The following ASAH2 variants were observed in gnomAD, a reference collection of about 807,000 sequenced individuals.
ASAH2 encodes N-acylsphingosine amidohydrolase 2.
Under a neutral mutation model 82.9 loss-of-function variants are expected in ASAH2, and 58 were observed. The ratio of observed to expected loss-of-function variants is 0.70; its 90% CI spans 0.57 to 0.87. The LOEUF is 0.87. Among genes scored for constraint, ASAH2 ranks in the 40% least tolerant of loss-of-function variants. The pLI is 0.00. For synonymous variants in ASAH2, 276 were observed against 289.7 expected (o/e 0.95, Z 0.48); for missense variants, 779 against 834.0 (o/e 0.93, Z 0.81).
Position 50,202,905 on chromosome 10 carries a change from A to G in ASAH2, c.1685T>C (p.Met562Thr). The G allele has an allele frequency of 6.2e-7, 1 of 1,610,442 alleles. No homozygotes were observed. The highest frequency in any genetic ancestry group is 8.5e-7 in the Non-Finnish European group (1 of 1,177,040). The part of the protein sequence containing the change: ...AVQAEFASHG[M>T]QNMTVVISGL... Reference sequence around the variant, plus strand: ...TGAAATAACAACAGTCATGTTCTGCATCCCATGAGATGCAAATTCCTAGGA... The same window carrying G: ...TGAAATAACAACAGTCATGTTCTGCGTCCCATGAGATGCAAATTCCTAGGA... Residue 562 changes from methionine to threonine, a missense_variant, in exon 16 of 21, where the codon ATG (methionine) becomes ACG (threonine). Physicochemically the swap from Met to Thr is moderately conservative, Grantham distance 81 (BLOSUM62 -1). Coordinates refer to ENST00000682911, the MANE Select transcript of ASAH2 (RefSeq NM_019893.4).
intron 4 of ASAH2, among the ~76,000 whole-genome samples, chr10:50,242,630 A>ATATC (rs1846331679): frequency 1.3e-5 from 2 of 150,880 alleles, no homozygotes; most frequent in South Asian, 2.1e-4. Flanking sequence ...CTCGCTTTCT[A>ATATC]TCTCTCTCTC....
intron 16 of ASAH2, among the ~76,000 whole-genome samples, chr10:50,200,061 T>A (rs1395716775): frequency 4.0e-5 from 6 of 151,402 alleles, no homozygotes; most frequent in African/African-American, 1.5e-4. Context: ...AGTTTTTTGA[T>A]CCTCTCCCTC....
At position 50,248,600 on chromosome 10, in the gene ASAH2, C is replaced by A; in HGVS notation, c.11G>T (p.Arg4Leu). MAK[R>L]TFSNLETFLI... ...GAATGTCTCCAAGTTAGAGAAGGTG[C>A]GTTTGGCCATTTCTTCTCAGGTACA... Residue 4 changes from arginine to leucine, a missense_variant, in exon 2 of 21, where the codon CGC becomes CTC. Arg to Leu is a moderately radical substitution (Grantham distance 102). Around this residue, in one of 3 missense-constraint regions of ASAH2, gnomAD observed 759 missense variants for 755.2 expected, o/e 1.00. Coordinates refer to ENST00000682911, the MANE Select transcript of ASAH2 (RefSeq NM_019893.4). 6 of 1,613,256 alleles carry A rather than the reference C, an allele frequency of 3.7e-6. No homozygotes were observed. The highest frequency in any genetic ancestry group is 5.1e-6 in the Non-Finnish European group (6 of 1,179,488).
At chr10:50,235,738 A>C in intron 5 of ASAH2, 150 bp downstream of exon 5, 1 of 837,386 alleles carries the variant, frequency 1.2e-6, no homozygotes, top group Non-Finnish European at 2.0e-6. Context: ...ACAAGAAGCT[A>C]AGATAGAGTC....
At chr10:50,228,670 CT>C (rs1479483440) in intron 7 of ASAH2, among the ~76,000 whole-genome samples, 3 of 152,064 alleles carry the variant, frequency 2.0e-5, no homozygotes, top group Admixed American at 2.0e-4. Context: ...AAAAATATGC[CT>C]TTAAAGGGCT....
At chr10:50,250,741 C>T (rs1195976648) in intron 1 of ASAH2, among the ~76,000 whole-genome samples, 1 of 152,150 alleles carries the variant, frequency 6.6e-6, no homozygotes, top group Non-Finnish European at 1.5e-5. Context: ...GCCTGTGTAT[C>T]AAACAGAGAG....
chr10:50,224,580 C>T (rs1480275438), intron 7 of ASAH2, among the ~76,000 whole-genome samples: 1 of 152,156 alleles, frequency 6.6e-6, no homozygotes, highest in Non-Finnish European at 1.5e-5. Context: ...TTCCCAGTCT[C>T]ATTTGCAAGG....
chr10:50,214,327 G>T (rs1845541557), intron 9 of ASAH2, among the ~76,000 whole-genome samples: 1 of 152,044 alleles, frequency 6.6e-6, no homozygotes, highest in Non-Finnish European at 1.5e-5. Flanking sequence ...TTTTTTGCTT[G>T]TAATTTTTAA....
At chr10:50,203,984 T>C (rs1046002439) in intron 14 of ASAH2, among the ~76,000 whole-genome samples, 1 of 152,024 alleles carries the variant, frequency 6.6e-6, no homozygotes, top group Non-Finnish European at 1.5e-5. Flanking sequence ...TTGCAGTCTA[T>C]GTTTATAAAA....
chr10:50,200,134 G>C (rs1210136805), intron 16 of ASAH2, among the ~76,000 whole-genome samples: 1 of 151,534 alleles, frequency 6.6e-6, no homozygotes, highest in South Asian at 2.1e-4. Flanking sequence ...TTACACTATG[G>C]CTTCTTAATC....
At chr10:50,203,255 C>A (rs1417346871) in intron 15 of ASAH2, among the ~76,000 whole-genome samples, 1 of 152,014 alleles carries the variant, frequency 6.6e-6, no homozygotes, top group African/African-American at 2.4e-5. Context: ...ATTTTAGAAC[C>A]ATTTACAATA....
At chr10:50,242,284 C>A (rs1005186982) in intron 4 of ASAH2, among the ~76,000 whole-genome samples, 6 of 152,122 alleles carry the variant, frequency 3.9e-5, no homozygotes, top group African/African-American at 1.4e-4. Flanking sequence ...GGGAGGCTTC[C>A]GCTCTCCTCC....
intron 4 of ASAH2, 64 bp downstream of exon 4, chr10:50,243,138 C>G: frequency 6.4e-7 from 1 of 1,571,592 alleles, no homozygotes; most frequent in Non-Finnish European, 8.7e-7. Flanking sequence ...TTTCCTGTCA[C>G]ATTCACCCAC....
chr10:50,202,939 T>A lies in ASAH2; in HGVS notation c.1666-15A>T, dbSNP rs1316586196. ...GATGCAAATTCCTAGGAGAGAAAGG[T>A]AAAACCCAATAAAATTACTCTTCAT... is the stretch of plus-strand genomic sequence containing the variant. On this transcript the variant is annotated splice_polypyrimidine_tract_variant and intron_variant, in intron 15 of 20. Coordinates refer to ENST00000682911, the MANE Select transcript of ASAH2 (RefSeq NM_019893.4). 4 of 1,500,254 alleles carry A rather than the reference T, an allele frequency of 2.7e-6. No homozygotes were observed. Among genetic ancestry groups the A allele is most frequent in the Non-Finnish European group, 3.7e-6 (4 of 1,076,924 alleles). 92.9% of individuals were successfully genotyped at this position (1,500,254 alleles called of 1,614,324 possible).
At chr10:50,243,029 T>C (rs966128205) in intron 4 of ASAH2, among the ~76,000 whole-genome samples, 173 bp downstream of exon 4, 1 of 152,216 alleles carries the variant, frequency 6.6e-6, no homozygotes, top group Non-Finnish European at 1.5e-5. Flanking sequence ...ACTGAAATAG[T>C]GAAGATCATT....
At chr10:50,228,436 A>T (rs1223421094) in intron 7 of ASAH2, among the ~76,000 whole-genome samples, 7 of 152,202 alleles carry the variant, frequency 4.6e-5, no homozygotes, top group Non-Finnish European at 1.0e-4. Context: ...AAATAATTCA[A>T]TTATTCTGTG....
chr10:50,202,251 A>T (rs1023520173), intron 16 of ASAH2, among the ~76,000 whole-genome samples: 3 of 152,058 alleles, frequency 2.0e-5, no homozygotes, highest in Admixed American at 6.6e-5. Flanking sequence ...ATTATTAATT[A>T]TGAGACTCTG....
intron 2 of ASAH2, among the ~76,000 whole-genome samples, chr10:50,246,802 G>A (rs1164282396): frequency 1.3e-5 from 2 of 152,198 alleles, no homozygotes; most frequent in Admixed American, 6.5e-5. Context: ...ATTGCAAGGA[G>A]TGGAGCAGGC....
At position 50,211,092 on chromosome 10, in the gene ASAH2, C is replaced by T. The variant is rs1054491675; in HGVS notation, c.1270G>A (p.Ala424Thr). The T allele has an allele frequency of 2.0e-5, 33 of 1,613,734 alleles. No homozygotes were observed. The highest frequency in any genetic ancestry group is 1.8e-4 in the Admixed American group (11 of 59,952). ...SASQEVTGPL[A>T]SAHQWVDMTD... ...ATATCCACCCACTGGTGTGCTGAAG[C>T]CAGTGGTCCTGTTACCTCCTGGGAG... Residue 424 changes from alanine to threonine, a missense_variant, in exon 11 of 21, where the codon GCT (alanine) becomes ACT (threonine). Around this residue, in one of 3 missense-constraint regions of ASAH2, gnomAD observed 759 missense variants for 755.2 expected, o/e 1.00. Transcript: ENST00000682911.
Sources: gnomAD v4.1 joint callset for allele counts (sites outside exome capture counted in the v4.1 genomes callset) on GRCh38, gnomAD v4.1.1 for gene constraint, gnomAD v4.1.1 regional missense constraint, MANE v1.5 for transcripts, NCBI Gene and HGNC (gene_info 2026-07-23, HGNC 2026-07-21) for gene names.